Variants in CDH12 observed in about 807,000 individuals in gnomAD.
The protein encoded by CDH12 is cadherin-12.
In CDH12, 41 loss-of-function variants were observed where a neutral mutation model predicts 74.1. The ratio of observed to expected loss-of-function variants is 0.55; its 90% CI spans 0.43 to 0.72. The LOEUF is 0.72. Among genes scored for constraint, CDH12 ranks in the 30% least tolerant of loss-of-function variants. The pLI, the probability that CDH12 is intolerant of heterozygous loss-of-function variation, is 0.00. For missense variants in CDH12, 945 were observed against 977.2 expected (o/e 0.97, Z 0.44); for synonymous variants, 399 against 355.0 (o/e 1.12, Z -1.39).
chr5:22,445,982 C>T (rs575608429), intron 2 of CDH12, among the ~76,000 whole-genome samples: 221 of 152,238 alleles, frequency 1.5e-3, no homozygotes, highest in Non-Finnish European at 2.8e-3. Flanking sequence ...GATGTCTCTT[C>T]GCCTCCCTCA....
chr5:21,980,934 C>A (rs1351008116), intron 5 of CDH12, among the ~76,000 whole-genome samples: 6 of 152,044 alleles, frequency 3.9e-5, no homozygotes, highest in African/African-American at 1.2e-4. Context: ...CAAAGTAATA[C>A]AATTAAATTG....
intron 9 of CDH12, among the ~76,000 whole-genome samples, chr5:21,814,481 A>G (rs1019284622): frequency 3.3e-5 from 5 of 151,788 alleles, no homozygotes; most frequent in African/African-American, 1.2e-4. Flanking sequence ...TTATTAAACC[A>G]CGCCTTTTTC....
intron 1 of CDH12, among the ~76,000 whole-genome samples, chr5:22,807,504 C>T (rs75695243): frequency 0.012 from 1,863 of 152,234 alleles, 37 homozygotes; most frequent in African/African-American, 0.042. Context: ...CAGTTATGTG[C>T]TGCTTAATGA....
intron 1 of CDH12, among the ~76,000 whole-genome samples, chr5:22,811,040 T>C (rs1749118171): frequency 6.6e-6 from 1 of 151,582 alleles, no homozygotes; most frequent in Non-Finnish European, 1.5e-5. Context: ...TACATAAATA[T>C]ATACATACAT....
chr5:22,133,246 G>A lies in CDH12; in HGVS notation c.-186-54384C>T, dbSNP rs187552516. ...TATCTTATAACTAGAAGGTATCTGG[G>A]TCTTCAAAAGAATTTCATAGCATAC... is the stretch of plus-strand genomic sequence containing the variant. On this transcript the variant is annotated intron_variant, in intron 4 of 14. Transcript: ENST00000382254. Among the ~76,000 whole-genome samples the A allele has an allele frequency of 2.1e-3, 318 of 152,194 alleles. 3 individuals carry two copies. Among genetic ancestry groups the A allele is most frequent in the Non-Finnish European group, 2.0e-3 (139 of 67,982 alleles).
At position 22,710,729 on chromosome 5, in the gene CDH12, A is replaced by T. The variant is rs566806871; in HGVS notation, c.-523+142329T>A. ...AATATTAAAAGTCTACTTCACAATT[A>T]GTTGGTCTTTTGCTTATTCTAGTTG... On this transcript the variant is annotated intron_variant, in intron 1 of 14. Coordinates refer to ENST00000382254, the MANE Select transcript of CDH12 (RefSeq NM_004061.5). Among the ~76,000 whole-genome samples the T allele has an allele frequency of 7.9e-5, 12 of 152,246 alleles. No individual in the cohort carries two copies. The South Asian group carries it at 2.1e-3, about 26-fold the overall frequency.
At chr5:21,994,732 A>G (rs114260898) in intron 5 of CDH12, among the ~76,000 whole-genome samples, 7,555 of 152,192 alleles carry the variant, frequency 0.05, 472 homozygotes, top group African/African-American at 0.14. Context: ...TGGTCTGGTG[A>G]GACTTGGAGA....
At chr5:22,036,283 G>A (rs1023334635) in intron 5 of CDH12, among the ~76,000 whole-genome samples, 2 of 152,176 alleles carry the variant, frequency 1.3e-5, no homozygotes, top group African/African-American at 4.8e-5. Flanking sequence ...AAAGAGGAAA[G>A]CATCTTGCTA....
chr5:22,719,650 G>A (rs914649093), intron 1 of CDH12, among the ~76,000 whole-genome samples: 2 of 152,178 alleles, frequency 1.3e-5, no homozygotes, highest in Non-Finnish European at 2.9e-5. Flanking sequence ...GCTTTGCTAA[G>A]TGCAGGAGGC....
At chr5:22,517,933 T>C (rs1248361387) in intron 1 of CDH12, among the ~76,000 whole-genome samples, 1 of 152,234 alleles carries the variant, frequency 6.6e-6, no homozygotes, top group Non-Finnish European at 1.5e-5. Flanking sequence ...AATGGCTGGC[T>C]TCCAACCTCA....
At chr5:22,454,830 C>T (rs77351779) in intron 2 of CDH12, among the ~76,000 whole-genome samples, 1 of 152,084 alleles carries the variant, frequency 6.6e-6, no homozygotes, top group Non-Finnish European at 1.5e-5. Context: ...AACCTGGGAC[C>T]TAATGTAACC....
intron 6 of CDH12, among the ~76,000 whole-genome samples, chr5:21,937,599 T>C (rs1755131063): frequency 6.6e-6 from 1 of 152,160 alleles, no homozygotes; most frequent in African/African-American, 2.4e-5. Flanking sequence ...TAATCATGTA[T>C]TAGGTGTCAA....
rs145843097 is a variant in CDH12 at position 22,770,907 on chromosome 5, C to T, written c.-523+82151G>A. On this transcript the variant is annotated intron_variant, in intron 1 of 14. Coordinates refer to ENST00000382254, the MANE Select transcript of CDH12 (RefSeq NM_004061.5). ...AAAGTGAAAATGTCTCTGTTGGTAG[C>T]GATTCTGTAAGGGAAATATTTGAAA... Among the ~76,000 whole-genome samples the T allele has an allele frequency of 1.3e-4, 20 of 152,076 alleles. No homozygotes were observed. The East Asian group carries it at 2.3e-3, about 18-fold the overall frequency.
At chr5:22,516,156 A>G (rs1736798668) in intron 1 of CDH12, among the ~76,000 whole-genome samples, 1 of 152,170 alleles carries the variant, frequency 6.6e-6, no homozygotes, top group African/African-American at 2.4e-5. Flanking sequence ...AGATGGCAAG[A>G]TAAAATGTCA....
chr5:22,583,432 A>C (rs378687), intron 1 of CDH12, among the ~76,000 whole-genome samples: 1 of 151,996 alleles, frequency 6.6e-6, no homozygotes, highest in African/African-American at 2.4e-5. Flanking sequence ...AAAGAGAACC[A>C]ATTTAGAAAT....
At chr5:21,798,022 T>C (rs1746887923) in intron 10 of CDH12, among the ~76,000 whole-genome samples, 1 of 152,108 alleles carries the variant, frequency 6.6e-6, no homozygotes, top group Non-Finnish European at 1.5e-5. Context: ...TTCATTTACC[T>C]TTTAATTATT....
At chr5:21,875,930 T>C (rs1389477018) in intron 6 of CDH12, among the ~76,000 whole-genome samples, 4 of 146,092 alleles carry the variant, frequency 2.7e-5, no homozygotes, top group African/African-American at 1.0e-4. Flanking sequence ...GGAGTCTCGC[T>C]CTCTCTCCAT....
chr5:22,566,268 C>T (rs1248990269), intron 1 of CDH12, among the ~76,000 whole-genome samples: 6 of 146,910 alleles, frequency 4.1e-5, no homozygotes, highest in African/African-American at 1.3e-4. Context: ...GATGGAGTCT[C>T]ACTCTGTTGC....
chr5:22,407,607 G>A lies in CDH12; in HGVS notation c.-427-2256C>T, dbSNP rs190148648. On this transcript the variant is annotated intron_variant, in intron 2 of 14. Coordinates refer to ENST00000382254, the MANE Select transcript of CDH12 (RefSeq NM_004061.5). ...TATCTTTCCCCATGGCTCTCTGCAT[G>A]AGCCCGATGTACTTCAAGCTTACCT... Among the ~76,000 whole-genome samples, 180 of 151,928 alleles carry A rather than the reference G, an allele frequency of 1.2e-3. 1 individual carries two copies. Among genetic ancestry groups the A allele is most frequent in the Non-Finnish European group, 2.2e-4 (15 of 67,924 alleles).
Sources: gnomAD v4.1 joint callset for allele counts (sites outside exome capture counted in the v4.1 genomes callset) on GRCh38, gnomAD v4.1.1 for gene constraint, MANE v1.5 for transcripts, NCBI Gene and HGNC (gene_info 2026-07-23, HGNC 2026-07-21) for gene names.